The following BAZ2A variants were observed in gnomAD, a reference collection of about 807,000 sequenced individuals.
BAZ2A encodes the protein bromodomain adjacent to zinc finger domain 2A.
BAZ2A carries 34 observed loss-of-function variants against 199.9 expected under a neutral mutation model. The ratio of observed to expected loss-of-function variants is 0.17; its 90% CI spans 0.13 to 0.23. The LOEUF (loss-of-function observed/expected upper bound fraction) is 0.23. Ranked by LOEUF, BAZ2A falls within the 10% of genes least tolerant of loss-of-function variation. The pLI is 1.00. For missense variants in BAZ2A, 2,002 were observed against 2,391.1 expected (o/e 0.84, Z 3.39); for synonymous variants, 857 against 883.9 (o/e 0.97, Z 0.54).
chr12:56,605,650 G>A (rs763904860), intron 13 of BAZ2A, 180 bp downstream of exon 13: 15 of 715,974 alleles, frequency 2.1e-5, no homozygotes, highest in Non-Finnish European at 3.1e-5. Context: ...TTGAACTGCT[G>A]GGCTCAAGCG....
chr12:56,600,505 G>A lies in BAZ2A; in HGVS notation c.4603-15C>T. The A allele has an allele frequency of 1.2e-6, 2 of 1,606,886 alleles. No individual in the cohort carries two copies. The highest frequency in any genetic ancestry group is 1.7e-6 in the Non-Finnish European group (2 of 1,176,076). On this transcript the variant is annotated splice_polypyrimidine_tract_variant and intron_variant, in intron 23 of 28. Transcript: ENST00000549884. ...CATGTCCAGCCCTTCAGTTAAGAGA[G>A]AGGAATAAAACTCACTGTAAAAGGA...
chr12:56,629,975 CG>C, intron 1 of BAZ2A, 149 bp downstream of exon 1: 1 of 539,378 alleles, frequency 1.9e-6, no homozygotes, highest in Non-Finnish European at 2.4e-6. Context: ...ACCCTCGCCT[CG>C]GGTTGGATCC....
chr12:56,616,180 C>T (rs537853009), intron 2 of BAZ2A, among the ~76,000 whole-genome samples: 4 of 152,234 alleles, frequency 2.6e-5, no homozygotes, highest in South Asian at 2.1e-4. Flanking sequence ...GGATTACAGG[C>T]GTGAGCCACC....
rs542060664 is a variant in BAZ2A, at chr12:56,614,338, G to C, written c.731-200C>G. 14 of 524,764 alleles carry C rather than the reference G, an allele frequency of 2.7e-5. No individual in the cohort carries two copies. In the Admixed American group the frequency reaches 4.1e-4, roughly 15 times the overall value. 32.5% of individuals were successfully genotyped at this position (524,764 alleles called of 1,614,324 possible). A position where few individuals can be genotyped will look rare whatever the true frequency, so the allele number is the denominator to read the frequency against. ...TAAAATCAATCCTACAGCAGGCAAA[G>C]AGAGGAAAAGAGAGTGGGGTCTGAT... On this transcript the variant is annotated intron_variant, in intron 3 of 28. Transcript: ENST00000549884.
chr12:56,605,550 T>C (rs1950318727), intron 13 of BAZ2A: 7 of 613,246 alleles, frequency 1.1e-5, no homozygotes, highest in African/African-American at 1.9e-5. Context: ...GTCTCTCAAA[T>C]AGCTGGGACT....
At position 56,598,461 on chromosome 12, in the gene BAZ2A, A is replaced by T. The variant is rs970177563; in HGVS notation, c.*157T>A. The T allele has an allele frequency of 1.1e-6, 1 of 870,134 alleles. No homozygotes were observed. Among genetic ancestry groups the T allele is most frequent in the Admixed American group, 2.7e-5 (1 of 36,806 alleles). 53.9% of individuals were successfully genotyped at this position (870,134 alleles called of 1,614,324 possible). ...AGGGAAGGGAGAAAGGGATGTAGGAATAAGAGGATGTGGGGCACTGCCAAG... is the reference window on the plus strand; with the variant it reads ...AGGGAAGGGAGAAAGGGATGTAGGATTAAGAGGATGTGGGGCACTGCCAAG... On this transcript the variant is annotated 3_prime_UTR_variant, in exon 29 of 29. Transcript: ENST00000549884.
intron 4 of BAZ2A, 98 bp downstream of exon 4, chr12:56,613,855 C>G: frequency 7.5e-7 from 1 of 1,332,316 alleles, no homozygotes; most frequent in Non-Finnish European, 1.0e-6. Flanking sequence ...CCCCAGTGCC[C>G]CTGATTGCCT....
At chr12:56,608,514 A>C (rs1437632247) in intron 10 of BAZ2A, among the ~76,000 whole-genome samples, 1 of 152,128 alleles carries the variant, frequency 6.6e-6, no homozygotes, top group South Asian at 2.1e-4. Context: ...TTACTGAAAA[A>C]TGTAGGTATT....
upstream of BAZ2A, among the ~76,000 whole-genome samples, chr12:56,634,386 C>T (rs1486854860): frequency 2.0e-5 from 3 of 152,128 alleles, no homozygotes; most frequent in East Asian, 5.8e-4. Context: ...GAGAGTCCTT[C>T]CCACCTGGGC....
intron 1 of BAZ2A, among the ~76,000 whole-genome samples, chr12:56,621,523 A>G (rs920168069): frequency 6.6e-6 from 1 of 152,090 alleles, no homozygotes; most frequent in Non-Finnish European, 1.5e-5. Context: ...TTTACTAGCT[A>G]GCTGTTTAAC....
Position 56,612,110 on chromosome 12 carries a change from T to C in BAZ2A, c.1272A>G (p.Ser424=), listed in dbSNP as rs764128676. 2 of 1,613,540 alleles carry C rather than the reference T, an allele frequency of 1.2e-6. No homozygotes were observed. The highest frequency in any genetic ancestry group is 1.7e-6 in the Non-Finnish European group (2 of 1,179,786). ...SSTIQLHPAT[S]PAVSPTTSPA... ...GGGAGGTTGTTGGCGAGACTGCTGG[T>C]GAGGTTGCTGGATGTAGCTGAATAG... The change falls in exon 6 of 29, where the codon TCA becomes TCG. Residue 424 remains serine, a synonymous_variant. Transcript: ENST00000549884.
At chr12:56,630,778 C>A (rs551307878), upstream of BAZ2A, 4 of 985,676 alleles carry the variant, frequency 4.1e-6, no homozygotes, top group East Asian at 4.5e-4. Flanking sequence ...CCACTCACCT[C>A]TGTCCCTTCA....
At chr12:56,626,617 A>G (rs764038890) in intron 1 of BAZ2A, among the ~76,000 whole-genome samples, 1 of 152,244 alleles carries the variant, frequency 6.6e-6, no homozygotes, top group Non-Finnish European at 1.5e-5. Flanking sequence ...TTTCTCTGAC[A>G]GAAAAATGCA....
At chr12:56,614,234 C>G in intron 3 of BAZ2A, 96 bp from the exon 4 acceptor site, 1 of 1,272,806 alleles carries the variant, frequency 7.9e-7, no homozygotes. Context: ...GAAGGATGTT[C>G]ATTCATTCAA....
At position 56,612,253 on chromosome 12, in the gene BAZ2A, T is replaced by C; in HGVS notation, c.1136-7A>G. On this transcript the variant is annotated splice_region_variant and splice_polypyrimidine_tract_variant and intron_variant, in intron 5 of 28. Transcript: ENST00000549884. ...TTCAGGTCAAAGCTGTTATCTAGAA[T>C]CCAAAGGGACAGGATAGGCTTTAAA... The C allele has an allele frequency of 4.4e-6, 7 of 1,605,184 alleles. No homozygotes were observed. The highest frequency in any genetic ancestry group is 6.0e-6 in the Non-Finnish European group (7 of 1,174,550).
chr12:56,635,027 C>T (rs1351676978), upstream of BAZ2A: 1 of 984,542 alleles, frequency 1.0e-6, no homozygotes, highest in South Asian at 4.7e-5. This position sits in a 1 kb window ranked among gnomAD's most constrained non-coding sequence, Gnocchi z 4.1. Flanking sequence ...CGCCTCCTCC[C>T]CCAGCCCTGG....
At chr12:56,628,398 G>T (rs1316728622) in intron 1 of BAZ2A, among the ~76,000 whole-genome samples, 1 of 152,024 alleles carries the variant, frequency 6.6e-6, no homozygotes, top group Non-Finnish European at 1.5e-5. Flanking sequence ...GCACGACTTT[G>T]CAGGGAACAG....
intron 26 of BAZ2A, 78 bp downstream of exon 26, chr12:56,599,624 T>C (rs1002234590): frequency 5.0e-6 from 8 of 1,598,262 alleles, no homozygotes; most frequent in African/African-American, 1.3e-5. Flanking sequence ...AGTCTAGGAC[T>C]CTTTCCAAGG....
At chr12:56,628,786 C>T (rs1951195137) in intron 1 of BAZ2A, among the ~76,000 whole-genome samples, 1 of 152,180 alleles carries the variant, frequency 6.6e-6, no homozygotes, top group Non-Finnish European at 1.5e-5. Flanking sequence ...TAAAGTAGGA[C>T]CCCAAGAAGC....
Sources: gnomAD v4.1 joint callset for allele counts (sites outside exome capture counted in the v4.1 genomes callset) on GRCh38, gnomAD v4.1.1 for gene constraint, Gnocchi (gnomAD v3.1) non-coding constraint, MANE v1.5 for transcripts, NCBI Gene and HGNC (gene_info 2026-07-23, HGNC 2026-07-21) for gene names.